RSPH9: variants seen among roughly 807,000 people sequenced by gnomAD.
RSPH9 encodes radial spoke head protein 9 homolog.
Under a neutral mutation model 27.0 loss-of-function variants are expected in RSPH9, and 27 were observed. The ratio of observed to expected loss-of-function variants is 1.00; its 90% confidence interval spans 0.74 to 1.38. The LOEUF is 1.38. Among genes scored for constraint, RSPH9 ranks in the 40% most tolerant of loss-of-function variants. The pLI is 0.00. For missense variants in RSPH9, 347 were observed against 357.4 expected (o/e 0.97, Z 0.24); for synonymous variants, 145 against 147.7 (o/e 0.98, Z 0.13).
At chr6:43,666,129 G>A (rs1773110714) in intron 4 of RSPH9, among the ~76,000 whole-genome samples, 1 of 152,126 alleles carries the variant, frequency 6.6e-6, no homozygotes, top group South Asian at 2.1e-4. Context: ...CCCAGCCTAG[G>A]CCCACCTTTT....
chr6:43,655,744 A>ATAT, intron 3 of RSPH9, 53 bp downstream of exon 3: 1 of 1,603,092 alleles, frequency 6.2e-7, no homozygotes, highest in Non-Finnish European at 8.5e-7. Context: ...TCCCAAGCAC[A>ATAT]GTAGAACATA....
intron 2 of RSPH9, among the ~76,000 whole-genome samples, chr6:43,651,283 C>A (rs757336938): frequency 7.9e-5 from 12 of 152,156 alleles, no homozygotes; most frequent in Non-Finnish European, 1.8e-4. Flanking sequence ...AGGCCACACA[C>A]AGCTACCTCC....
At position 43,671,553 on chromosome 6, in the gene RSPH9, C is replaced by A. The variant is rs1441907857; in HGVS notation, c.*604C>A. ...CCATAGCAGCTGGCAAGGGACCCAA[C>A]TGCCCTGCCTGCCTCTAGCTCCCAG... is the stretch of plus-strand genomic sequence containing the variant. On this transcript the variant is annotated 3_prime_UTR_variant, in exon 5 of 5. Transcript: ENST00000372163. The A allele has an allele frequency of 1.6e-6, 1 of 611,186 alleles. No individual in the cohort carries two copies. The highest frequency in any genetic ancestry group is 2.9e-6 in the Non-Finnish European group (1 of 349,956). The allele number at this position is 611,186 out of a possible 1,614,324, so 37.9% of individuals were successfully genotyped here.
At chr6:43,646,298 A>T (rs1345124292) in intron 1 of RSPH9, among the ~76,000 whole-genome samples, 2 of 147,658 alleles carry the variant, frequency 1.4e-5, no homozygotes, top group African/African-American at 5.0e-5. Context: ...TGCCCGGTTA[A>T]TTTTTTTTTG....
At chr6:43,667,631 G>A (rs779974280) in intron 4 of RSPH9, among the ~76,000 whole-genome samples, 12 of 152,218 alleles carry the variant, frequency 7.9e-5, no homozygotes, top group Non-Finnish European at 1.2e-4. Context: ...GGGCCACGGG[G>A]CCTGCCTTTG....
chr6:43,666,495 TG>T, intron 4 of RSPH9: 1 of 1,550,222 alleles, frequency 6.5e-7, no homozygotes, highest in Non-Finnish European at 8.7e-7. Context: ...GCCCTGTTCC[TG>T]GGACTCCTGC....
At chr6:43,655,458 A>C (rs1421686290) in intron 2 of RSPH9, 104 bp from the exon 3 acceptor site, 1 of 1,294,162 alleles carries the variant, frequency 7.7e-7, no homozygotes, top group African/African-American at 1.5e-5. Flanking sequence ...TCTGGGGTCC[A>C]CTACACTGCA....
Position 43,656,610 on chromosome 6 carries a change from C to A in RSPH9, c.557C>A (p.Ser186Tyr). The change falls in exon 4 of 5, where the codon TCC (serine) becomes TAC (tyrosine). Residue 186 changes from serine (S) to tyrosine (Y), a missense_variant. Transcript: ENST00000372163. ...TTGTCTGAGGCCAAGAAGCTCAGCT[C>A]CTACTTCCATTTCAGGGAGCCTGTT... ...LSLSEAKKLS[S>Y]YFHFREPVEL... The A allele has an allele frequency of 6.2e-7, 1 of 1,614,194 alleles. No individual in the cohort carries two copies. Among genetic ancestry groups the A allele is most frequent in the Non-Finnish European group, 8.5e-7 (1 of 1,180,032 alleles).
chr6:43,658,506 G>A (rs1363522729), intron 4 of RSPH9, among the ~76,000 whole-genome samples: 1 of 152,058 alleles, frequency 6.6e-6, no homozygotes, highest in Admixed American at 6.6e-5. Context: ...TCTTTATTTC[G>A]TAACAATACT....
chr6:43,661,034 C>A (rs187716080), intron 4 of RSPH9, among the ~76,000 whole-genome samples: 2 of 152,308 alleles, frequency 1.3e-5, no homozygotes, highest in East Asian at 1.9e-4. Flanking sequence ...CAACATTAAT[C>A]TCGTTGTACA....
chr6:43,645,916 T>C (rs1770810594), intron 1 of RSPH9, among the ~76,000 whole-genome samples: 1 of 152,126 alleles, frequency 6.6e-6, no homozygotes, highest in Non-Finnish European at 1.5e-5. Flanking sequence ...CTGGGGAAAA[T>C]TCCCTGGTCA....
intron 3 of RSPH9, among the ~76,000 whole-genome samples, 164 bp from the exon 4 acceptor site, chr6:43,656,413 C>A (rs73428680): frequency 6.6e-6 from 1 of 152,020 alleles, no homozygotes; most frequent in African/African-American, 2.4e-5. Flanking sequence ...GGATCTGGTC[C>A]GAGTTTGGAC....
intron 1 of RSPH9, 57 bp from the exon 2 acceptor site, chr6:43,650,318 G>A (rs1235401693): frequency 1.3e-6 from 2 of 1,596,320 alleles, no homozygotes; most frequent in Middle Eastern, 2.2e-4. Flanking sequence ...GAAGATAATA[G>A]GAATAGTGGG....
chr6:43,666,729 T>C (rs1221961093), intron 4 of RSPH9, among the ~76,000 whole-genome samples: 2 of 152,122 alleles, frequency 1.3e-5, no homozygotes, highest in African/African-American at 4.8e-5. Context: ...TCTCTGACCT[T>C]GGGCTGCAGC....
chr6:43,645,086 A>C lies in RSPH9; in HGVS notation c.-13A>C. On this transcript the variant is annotated 5_prime_UTR_variant, in exon 1 of 5. Coordinates refer to ENST00000372163, the MANE Select transcript of RSPH9 (RefSeq NM_152732.5). ...TAGCAACTCGACGGGCGTTGAGCGG[A>C]GCCGCTGACCTGATGGACGCCGACA... The C allele has an allele frequency of 6.2e-7, 1 of 1,608,254 alleles. No individual in the cohort carries two copies. The highest frequency in any genetic ancestry group is 1.1e-5 in the South Asian group (1 of 91,036).
At chr6:43,660,753 G>A (rs1453623644) in intron 4 of RSPH9, among the ~76,000 whole-genome samples, 3 of 152,114 alleles carry the variant, frequency 2.0e-5, no homozygotes, top group African/African-American at 4.8e-5. Context: ...GTGAACCACC[G>A]CACCTGGCCA....
rs375658743 is a variant in RSPH9, at chr6:43,650,634, C to T, written c.393+94C>T. The T allele has an allele frequency of 4.8e-4, 646 of 1,343,960 alleles. 1 individual carries two copies. The highest frequency in any genetic ancestry group is 4.7e-3 in the African/African-American group (329 of 69,730). The allele number at this position is 1,343,960 out of a possible 1,614,324, so 83.3% of individuals were successfully genotyped here. A position where few individuals can be genotyped will look rare whatever the true frequency, so the allele number is the denominator to read the frequency against. ...AGAAATTATGGCAACAGGCTGGGCA[C>T]GGTGGCTCACGCCTGTAATCTCAGC... is the stretch of plus-strand genomic sequence containing the variant. On this transcript the variant is annotated intron_variant, in intron 2 of 4. Coordinates refer to ENST00000372163, the MANE Select transcript of RSPH9 (RefSeq NM_152732.5).
chr6:43,652,705 C>T (rs1416679378), intron 2 of RSPH9, among the ~76,000 whole-genome samples: 9 of 148,420 alleles, frequency 6.1e-5, no homozygotes, highest in African/African-American at 2.0e-4. Context: ...GGATTACAGG[C>T]GTGAGCCACC....
Position 43,672,085 on chromosome 6 carries a change from G to T in RSPH9, c.*1136G>T. The T allele has an allele frequency of 2.7e-6, 2 of 742,592 alleles. No homozygotes were observed. The highest frequency in any genetic ancestry group is 2.1e-6 in the Non-Finnish European group (1 of 466,630). The allele number at this position is 742,592 out of a possible 1,614,324, so 46.0% of individuals were successfully genotyped here. On this transcript the variant is annotated 3_prime_UTR_variant, in exon 5 of 5. Transcript: ENST00000372163. ...GTAACTGCTGAGCGTCCTGTAAACA[G>T]ATGGGCTGGGCTCTTGCTGCCGCAA...
Sources: gnomAD v4.1 joint callset for allele counts (sites outside exome capture counted in the v4.1 genomes callset) on GRCh38, gnomAD v4.1.1 for gene constraint, MANE v1.5 for transcripts, NCBI Gene and HGNC (gene_info 2026-07-23, HGNC 2026-07-21) for gene names.